Variants in CACNA1E observed in about 807,000 individuals in gnomAD.
CACNA1E encodes the protein calcium voltage-gated channel subunit alpha1 E.
CACNA1E carries 40 observed loss-of-function variants against 259.2 expected under a neutral mutation model. The ratio of observed to expected loss-of-function variants is 0.15; its 90% CI spans 0.12 to 0.20. The LOEUF is 0.20. Ranked by LOEUF, CACNA1E falls within the 10% of genes least tolerant of loss-of-function variation. The probability of loss-of-function intolerance (pLI) is 1.00; values close to 1 mark genes in which losing one functional copy is unlikely to be tolerated. For missense variants in CACNA1E, 1,874 were observed against 3,040.1 expected (o/e 0.62, Z 9.02); for synonymous variants, 1,104 against 1,138.5 (o/e 0.97, Z 0.61).
At position 181,804,308 on chromosome 1, in the gene CACNA1E, G is replaced by A. The variant is rs927645953; in HGVS notation, c.*5474G>A. 3 of 152,114 alleles carry A rather than the reference G, an allele frequency of 2.0e-5. No homozygotes were observed. Among genetic ancestry groups the A allele is most frequent in the African/African-American group, 7.2e-5 (3 of 41,412 alleles). The allele number at this position is 152,114 out of a possible 1,614,324, so 9.4% of individuals were successfully genotyped here. A position where few individuals can be genotyped will look rare whatever the true frequency, so the allele number is the denominator to read the frequency against. ...TCAAATTTAGTGATATGATATTTGA[G>A]TCAAAAATCTGAGGTTATAGTACCA... On this transcript the variant is annotated 3_prime_UTR_variant, in exon 48 of 48. Transcript: ENST00000367573.
chr1:181,357,300 C>G (rs1342356925), intron 1 of CACNA1E, among the ~76,000 whole-genome samples: 1 of 152,190 alleles, frequency 6.6e-6, no homozygotes, highest in Non-Finnish European at 1.5e-5. Context: ...ATGGGTGTTG[C>G]CTCACCATTG....
intron 35 of CACNA1E, among the ~76,000 whole-genome samples, chr1:181,768,187 T>A (rs568873648): frequency 6.6e-6 from 1 of 152,182 alleles, no homozygotes; most frequent in South Asian, 2.1e-4. Context: ...AATAACACCA[T>A]CTCCAGTACT....
intron 6 of CACNA1E, among the ~76,000 whole-genome samples, chr1:181,604,774 C>T (rs1297714304): frequency 6.6e-6 from 1 of 152,018 alleles, no homozygotes; most frequent in African/African-American, 2.4e-5. Context: ...GAGCGGGGGC[C>T]TCTCAGAGCC....
At chr1:181,640,471 G>C (rs922795585) in intron 6 of CACNA1E, among the ~76,000 whole-genome samples, 44 of 152,180 alleles carry the variant, frequency 2.9e-4, no homozygotes, top group African/African-American at 1.1e-3. Flanking sequence ...CAGAATAAAC[G>C]AAACTAACTG....
At chr1:181,789,889 C>T (rs1661148497) in intron 43 of CACNA1E, among the ~76,000 whole-genome samples, 1 of 152,216 alleles carries the variant, frequency 6.6e-6, no homozygotes, top group South Asian at 2.1e-4. Context: ...CAACTCCTCA[C>T]CACCACCTCT....
rs141322608 is a variant in CACNA1E at position 181,701,133 on chromosome 1, CA to C, written c.1056-9817del. 4.6e-3 allele frequency among the ~76,000 whole-genome samples: 693 copies of C among 152,264 alleles called. 8 individuals are homozygous for C. Among genetic ancestry groups the C allele is most frequent in the African/African-American group, 0.016 (645 of 41,558 alleles). ...GTTTAACAAAGGAATGTGGGAAATG[CA>C]AAACTTTTTACAAAGGGGAAAGATG... On this transcript the variant is annotated intron_variant, in intron 7 of 47. Coordinates refer to ENST00000367573, the MANE Select transcript of CACNA1E (RefSeq NM_001205293.3).
chr1:181,771,714 C>T, intron 36 of CACNA1E: 1 of 461,412 alleles, frequency 2.2e-6, no homozygotes, highest in Non-Finnish European at 3.9e-6. Flanking sequence ...TTCAACATGG[C>T]CTGCAAGGGT....
At chr1:181,679,976 G>A (rs1164321327) in intron 7 of CACNA1E, among the ~76,000 whole-genome samples, 1 of 151,986 alleles carries the variant, frequency 6.6e-6, no homozygotes, top group Non-Finnish European at 1.5e-5. Context: ...AGCAGAGCAT[G>A]GTGGTGTGTA....
chr1:181,517,813 C>G (rs1487691699), intron 3 of CACNA1E, among the ~76,000 whole-genome samples: 1 of 152,118 alleles, frequency 6.6e-6, no homozygotes, highest in African/African-American at 2.4e-5. Flanking sequence ...AGAGGCTGCC[C>G]TAATACAAGA....
chr1:181,716,450 T>G (rs1229792577), intron 10 of CACNA1E, among the ~76,000 whole-genome samples: 5 of 152,194 alleles, frequency 3.3e-5, no homozygotes, highest in African/African-American at 1.2e-4. Flanking sequence ...GAGAACCCAC[T>G]ATGGGACATT....
chr1:181,625,258 A>G (rs1161777755), intron 6 of CACNA1E, among the ~76,000 whole-genome samples: 1 of 152,118 alleles, frequency 6.6e-6, no homozygotes, highest in Non-Finnish European at 1.5e-5. Context: ...CACCAGTTGC[A>G]TTAACCTCCT....
intron 3 of CACNA1E, among the ~76,000 whole-genome samples, chr1:181,515,380 C>A (rs570829913): frequency 1.3e-5 from 2 of 152,302 alleles, no homozygotes; most frequent in South Asian, 4.2e-4. Flanking sequence ...AGAGTTCCAG[C>A]TGATTTCTTC....
At chr1:181,740,600 C>T (rs1363453135) in intron 25 of CACNA1E, among the ~76,000 whole-genome samples, 2 of 152,038 alleles carry the variant, frequency 1.3e-5, no homozygotes, top group African/African-American at 4.8e-5. Flanking sequence ...GTAGGATCTC[C>T]CAGACCCTGG....
chr1:181,766,657 G>A lies in CACNA1E; in HGVS notation c.4881+46G>A. Reference sequence around the variant, plus strand: ...CCCGGTGGGGGACAGCTGTTACCCAGATAATCTCTGGCTTAGCAACCTAAG... The same window carrying A: ...CCCGGTGGGGGACAGCTGTTACCCAAATAATCTCTGGCTTAGCAACCTAAG... On this transcript the variant is annotated intron_variant, in intron 35 of 47. Transcript: ENST00000367573. 3 of 1,408,580 alleles carry A rather than the reference G, an allele frequency of 2.1e-6. No individual in the cohort carries two copies. The South Asian group carries it at 3.5e-5, about 17-fold the overall frequency. The allele number at this position is 1,408,580 out of a possible 1,614,324, so 87.3% of individuals were successfully genotyped here.
At chr1:181,667,845 T>G (rs1648391404) in intron 7 of CACNA1E, among the ~76,000 whole-genome samples, 2 of 151,912 alleles carry the variant, frequency 1.3e-5, no homozygotes, top group Admixed American at 1.3e-4. Flanking sequence ...TGTCTGTCTT[T>G]TTTTTTTTTA....
At chr1:181,689,178 G>A (rs1236086252) in intron 7 of CACNA1E, among the ~76,000 whole-genome samples, 1 of 151,610 alleles carries the variant, frequency 6.6e-6, no homozygotes. Flanking sequence ...TCCCCTCCCT[G>A]TATCCATGTG....
intron 30 of CACNA1E, among the ~76,000 whole-genome samples, chr1:181,757,679 C>T (rs933568138): frequency 2.6e-5 from 4 of 152,180 alleles, no homozygotes; most frequent in Non-Finnish European, 5.9e-5. Flanking sequence ...GGATTCCTGC[C>T]TAAACAGCTC....
At chr1:181,531,146 C>T (rs1667752184) in intron 3 of CACNA1E, among the ~76,000 whole-genome samples, 1 of 152,196 alleles carries the variant, frequency 6.6e-6, no homozygotes, top group African/African-American at 2.4e-5. Flanking sequence ...AATTTAAAAG[C>T]CTTTTCCTTC....
In CACNA1E at chr1:181,483,987, T is replaced by C. The variant is rs1663548464; in HGVS notation, c.243T>C (p.Tyr81=). ...GAGAAGATAACATTGTCAGGAAATA[T>C]GCCAAGAAGCTCATCGATTGGCCAT... is the stretch of plus-strand genomic sequence containing the variant. The part of the protein sequence containing the change: ...IFGEDNIVRK[Y]AKKLIDWPPF... The change falls in exon 1 of 48, where the codon TAT becomes TAC. Residue 81 remains tyrosine, a synonymous_variant. Transcript: ENST00000367573. 1 of 1,613,852 alleles carries C rather than the reference T, an allele frequency of 6.2e-7. No individual in the cohort carries two copies. Among genetic ancestry groups the C allele is most frequent in the South Asian group, 1.1e-5 (1 of 91,062 alleles).
Sources: allele counts gnomAD v4.1 joint callset (sites outside exome capture counted in the v4.1 genomes callset), GRCh38; gene constraint gnomAD v4.1.1; transcripts MANE v1.5; gene names NCBI Gene and HGNC (gene_info 2026-07-23, HGNC 2026-07-21).